The following AFDN variants were observed in gnomAD, a reference collection of about 807,000 sequenced individuals.
AFDN encodes afadin, adherens junction formation factor.
A neutral mutation model predicts 216.6 loss-of-function variants in AFDN; 68 were observed. The ratio of observed to expected loss-of-function variants is 0.31; its 90% CI spans 0.26 to 0.38. The LOEUF (loss-of-function observed/expected upper bound fraction) is 0.38, where lower values mean the gene tolerates loss of function less well. AFDN is among the 10% of genes least tolerant of loss of function. The pLI is 1.00. For missense variants in AFDN, 2,136 were observed against 2,342.0 expected, an observed-to-expected ratio of 0.91 and a Z score of 1.82; for synonymous variants, 868 against 853.7, an observed-to-expected ratio of 1.02 and a Z score of -0.29.
chr6:167,954,755 G>A (rs954783389), intron 30 of AFDN, among the ~76,000 whole-genome samples: 7 of 152,048 alleles, frequency 4.6e-5, no homozygotes, highest in Non-Finnish European at 1.0e-4. Context: ...AATTGATTCC[G>A]TGTATTCTTA....
Position 167,915,268 on chromosome 6 carries a change from C to G in AFDN, c.2400C>G (p.Phe800Leu), listed in dbSNP as rs1403782994. The G allele has an allele frequency of 3.1e-6, 5 of 1,614,258 alleles. No individual in the cohort carries two copies. Among genetic ancestry groups the G allele is most frequent in the Non-Finnish European group, 4.2e-6 (5 of 1,180,046 alleles). ...TIQLFSQLFH[F>L]INMWLFNRLV... is the part of the protein sequence containing the mutation. ...AGCTCTTCTCTCAGCTCTTCCACTT[C>G]ATCAATATGTGGCTGTTCAATAGAT... Residue 800 changes from phenylalanine (F) to leucine (L), a missense_variant, in exon 19 of 34, where the codon TTC (phenylalanine) becomes TTG (leucine). Around this residue, in one of 8 missense-constraint regions of AFDN, gnomAD observed 817 missense variants for 965.7 expected, o/e 0.85. Coordinates refer to ENST00000683244, the MANE Select transcript of AFDN (RefSeq NM_001386888.1).
In AFDN at chr6:167,951,903, A is replaced by G; in HGVS notation, c.4549A>G (p.Ser1517Gly). Reference protein sequence around the residue: ...VSKEELSSGDSLSPDPWKRDA... With the variant: ...VSKEELSSGDGLSPDPWKRDA... The stretch of plus-strand genomic sequence containing the variant: ...CAAAGAGGAGCTTTCCTCGGGGGAC[A>G]GTCTGTCCCCCGACCCGTGGAAGCG... The change falls in exon 30 of 34, where the codon AGT (serine) becomes GGT (glycine). Residue 1517 changes from serine to glycine, a missense_variant. Ser to Gly is a moderately conservative substitution (Grantham distance 56, BLOSUM62 0). Around this residue, in one of 8 missense-constraint regions of AFDN, gnomAD observed 981 missense variants for 966.0 expected, o/e 1.02. Transcript: ENST00000683244. The surrounding 1 kb of genome is among the most constrained non-coding windows in gnomAD (Gnocchi z 7.1). 1 of 1,613,922 alleles carries G rather than the reference A, an allele frequency of 6.2e-7. No individual in the cohort carries two copies. The highest frequency in any genetic ancestry group is 8.5e-7 in the Non-Finnish European group (1 of 1,179,900).
Position 167,946,817 on chromosome 6 carries a change from G to A in AFDN, c.3469G>A (p.Glu1157Lys), listed in dbSNP as rs1795317618. Residue 1157 changes from glutamate (E) to lysine (K), a missense_variant, in exon 27 of 34, where the codon GAA becomes AAA. By Grantham distance (56) the Glu-to-Lys change is moderately conservative. Around this residue, in one of 8 missense-constraint regions of AFDN, gnomAD observed 981 missense variants for 966.0 expected, o/e 1.02. Coordinates refer to ENST00000683244, the MANE Select transcript of AFDN (RefSeq NM_001386888.1). ...SPESPQLPWA[E>K]YSEPKKLPGD... ...TGAGAGTCCTCAGCTGCCTTGGGCAGAATATAGTGAACCAAAGAAATTGCC... is the reference window on the plus strand; with the variant it reads ...TGAGAGTCCTCAGCTGCCTTGGGCAAAATATAGTGAACCAAAGAAATTGCC... The A allele has an allele frequency of 6.2e-7, 1 of 1,612,948 alleles. No homozygotes were observed. The highest frequency in any genetic ancestry group is 1.7e-5 in the Admixed American group (1 of 59,768).
intron 9 of AFDN, among the ~76,000 whole-genome samples, chr6:167,896,421 T>C (rs1352277500): frequency 6.6e-6 from 1 of 152,150 alleles, no homozygotes; most frequent in Non-Finnish European, 1.5e-5. Flanking sequence ...GAACTGCACA[T>C]TTAAAAACCT....
At position 167,946,881 on chromosome 6, in the gene AFDN, G is replaced by C; in HGVS notation, c.3533G>C (p.Arg1178Pro). ...CTGATGAAAAATAGAGCTGATCACCGTTCCAGCCCCAACGTAGCAAGTAAG... is the reference window on the plus strand; with the variant it reads ...CTGATGAAAAATAGAGCTGATCACCCTTCCAGCCCCAACGTAGCAAGTAAG... ...DRLMKNRADH[R>P]SSPNVANQPP... The change falls in exon 27 of 34, where the codon CGT (arginine) becomes CCT (proline). Residue 1178 changes from arginine to proline, a missense_variant. Coordinates refer to ENST00000683244, the MANE Select transcript of AFDN (RefSeq NM_001386888.1). 6.2e-7 allele frequency: 1 copy of C among 1,611,762 alleles called. No homozygotes were observed. The highest frequency in any genetic ancestry group is 8.5e-7 in the Non-Finnish European group (1 of 1,179,340).
intron 1 of AFDN, among the ~76,000 whole-genome samples, chr6:167,853,740 C>A (rs1782574551): frequency 6.6e-6 from 1 of 152,042 alleles, no homozygotes; most frequent in Non-Finnish European, 1.5e-5. Flanking sequence ...ATGACACATG[C>A]TGTTGTGCGT....
At chr6:167,928,355 A>T (rs1057251610) in intron 23 of AFDN, among the ~76,000 whole-genome samples, 1 of 152,178 alleles carries the variant, frequency 6.6e-6, no homozygotes, top group African/African-American at 2.4e-5. Context: ...ACAGGGGGCA[A>T]TTAGGACAAC....
At chr6:167,945,072 T>C (rs575778879) in intron 26 of AFDN, among the ~76,000 whole-genome samples, 2 of 152,330 alleles carry the variant, frequency 1.3e-5, no homozygotes, top group African/African-American at 4.8e-5. Flanking sequence ...TTGACTCTTT[T>C]GTAGTAACAC....
rs148916042 is a variant in AFDN, at chr6:167,911,425, A to G, written c.1973A>G (p.Glu658Gly). 297 of 1,613,950 alleles carry G rather than the reference A, an allele frequency of 1.8e-4. No individual in the cohort carries two copies. The highest frequency in any genetic ancestry group is 6.8e-4 in the South Asian group (62 of 91,070). Residue 658 changes from glutamate (E) to glycine (G), a missense_variant, in exon 15 of 34, where the codon GAG becomes GGG. This residue lies in a region of AFDN where 817 missense variants were observed against 965.7 expected (regional missense o/e 0.85). Coordinates refer to ENST00000683244, the MANE Select transcript of AFDN (RefSeq NM_001386888.1). ...NQYRPDISPTERTHKVIAVVN... is the reference protein window; with the variant it reads ...NQYRPDISPTGRTHKVIAVVN... ...TACAGACCTGACATCAGCCCTACAG[A>G]GCGCACACATAAAGTCATTGCAGTC...
intron 18 of AFDN, 42 bp downstream of exon 18, chr6:167,914,780 T>A: frequency 2.9e-6 from 4 of 1,382,508 alleles, no homozygotes; most frequent in Non-Finnish European, 4.1e-6. Flanking sequence ...CCCGCTTCCT[T>A]CACGTTTAGC....
chr6:167,918,608 C>CTGTGTG (rs143827994), intron 20 of AFDN, 127 bp from the exon 21 acceptor site: 3 of 793,486 alleles, frequency 3.8e-6, no homozygotes, highest in Admixed American at 2.2e-5. Context: ...CTGCGTCTGT[C>CTGTGTG]TGTGTGTGTG....
chr6:167,885,075 C>G (rs982463836), intron 6 of AFDN, among the ~76,000 whole-genome samples: 1 of 152,208 alleles, frequency 6.6e-6, no homozygotes, highest in Non-Finnish European at 1.5e-5. Context: ...TAGCTTCAGA[C>G]TTTTCTTCTG....
chr6:167,896,171 AAC>A (rs1448893558), intron 9 of AFDN, among the ~76,000 whole-genome samples: 4 of 151,958 alleles, frequency 2.6e-5, no homozygotes, highest in Non-Finnish European at 5.9e-5. Context: ...CTGTCATGGA[AAC>A]ACATGCTCAT....
At chr6:167,925,629 G>A (rs909151728) in intron 23 of AFDN, among the ~76,000 whole-genome samples, 1 of 152,188 alleles carries the variant, frequency 6.6e-6, no homozygotes, top group African/African-American at 2.4e-5. Context: ...GTTCTGATAG[G>A]TGTTGACTGC....
Position 167,951,488 on chromosome 6 carries a change from T to G in AFDN, c.4134T>G (p.Pro1378=), listed in dbSNP as rs1795974151. 6.2e-7 allele frequency: 1 copy of G among 1,613,450 alleles called. No homozygotes were observed. The highest frequency in any genetic ancestry group is 8.5e-7 in the Non-Finnish European group (1 of 1,179,686). The change falls in exon 30 of 34, where the codon CCT becomes CCG. Residue 1378 remains proline (P), a synonymous_variant. Coordinates refer to ENST00000683244, the MANE Select transcript of AFDN (RefSeq NM_001386888.1). This position sits in a 1 kb window ranked among gnomAD's most constrained non-coding sequence, Gnocchi z 7.1. ...RTDLPPPPPP[P]PVHYAGDFDG... Reference sequence around the variant, plus strand: ...ACCTGCCTCCGCCACCCCCGCCACCTCCAGTCCACTATGCCGGTGATTTCG... The same window carrying G: ...ACCTGCCTCCGCCACCCCCGCCACCGCCAGTCCACTATGCCGGTGATTTCG...
At chr6:167,842,428 A>C (rs1352533186) in intron 1 of AFDN, among the ~76,000 whole-genome samples, 4 of 152,170 alleles carry the variant, frequency 2.6e-5, no homozygotes, top group African/African-American at 9.7e-5. Context: ...ATGGGGCCAC[A>C]ATCCTGAGGT....
At chr6:167,952,923 T>C (rs1056261210) in intron 30 of AFDN, among the ~76,000 whole-genome samples, 3 of 152,376 alleles carry the variant, frequency 2.0e-5, no homozygotes, top group African/African-American at 7.2e-5. Context: ...AAAATGATTT[T>C]TGTTTTAAAT....
chr6:167,891,407 GGGTGTGTGT>G (rs1787572050), intron 8 of AFDN, among the ~76,000 whole-genome samples: 1 of 60,316 alleles, frequency 1.7e-5, no homozygotes, highest in African/African-American at 1.0e-4. Context: ...ATAAAGGGGT[GGGTGTGTGT>G]GTGTGTGTGT....
At chr6:167,888,967 T>A (rs1327634081) in intron 6 of AFDN, among the ~76,000 whole-genome samples, 3 of 150,918 alleles carry the variant, frequency 2.0e-5, no homozygotes, top group Admixed American at 6.6e-5. Context: ...AAAAAAAAAA[T>A]ATTTAGTCTA....
Sources: gnomAD v4.1 joint callset for allele counts (sites outside exome capture counted in the v4.1 genomes callset) on GRCh38, gnomAD v4.1.1 for gene constraint, gnomAD v4.1.1 regional missense constraint, Gnocchi (gnomAD v3.1) non-coding constraint, MANE v1.5 for transcripts, NCBI Gene and HGNC (gene_info 2026-07-23, HGNC 2026-07-21) for gene names.